The following MGA variants were observed in gnomAD, a reference collection of about 807,000 sequenced individuals.
MGA encodes the protein MAX gene-associated protein.
Under a neutral mutation model 261.1 loss-of-function variants are expected in MGA, and 40 were observed. That is an observed-to-expected ratio of 0.15 (90% CI 0.12 to 0.20). The LOEUF is 0.20. Among genes scored for constraint, MGA ranks in the 10% least tolerant of loss-of-function variants. The probability of loss-of-function intolerance (pLI) is 1.00; values close to 1 mark genes in which losing one functional copy is unlikely to be tolerated. For synonymous variants in MGA, 1,302 were observed against 1,290.6 expected, an observed-to-expected ratio of 1.01 and a Z score of -0.19; for missense variants, 3,397 against 3,630.5, an observed-to-expected ratio of 0.94 and a Z score of 1.65.
intron 14 of MGA, 41 bp downstream of exon 14, chr15:41,740,244 T>G: frequency 6.3e-7 from 1 of 1,597,138 alleles, no homozygotes. Context: ...GGCCTATGAC[T>G]TGGTGGTGGG....
chr15:41,698,164 C>G (rs1595766260), intron 3 of MGA, among the ~76,000 whole-genome samples: 1 of 135,414 alleles, frequency 7.4e-6, no homozygotes, highest in African/African-American at 2.6e-5. Context: ...GCCACTGCCC[C>G]TGGCCTCTTT....
Position 41,696,247 on chromosome 15 carries a change from G to T in MGA, c.1237G>T (p.Val413Leu), listed in dbSNP as rs777496210. Residue 413 changes from valine (V) to leucine (L), a missense_variant, in exon 3 of 24, where the codon GTA (valine) becomes TTA (leucine). Physicochemically the swap from Val to Leu is conservative, Grantham distance 32 (BLOSUM62 1). This residue lies in a region of MGA where 563 missense variants were observed against 563.6 expected (regional missense o/e 1.00). Transcript: ENST00000219905. ...GGAAGAGACAGATGAAGAGACGGAT[G>T]TATACTCAAACAGTGATGATGATCC... 6.2e-7 allele frequency: 1 copy of T among 1,613,948 alleles called. No individual in the cohort carries two copies. Among genetic ancestry groups the T allele is most frequent in the South Asian group, 1.1e-5 (1 of 91,074 alleles).
At chr15:41,751,505 C>T (rs1244376295) in intron 17 of MGA, 6 of 152,114 alleles carry the variant, frequency 3.9e-5, no homozygotes, top group Non-Finnish European at 2.9e-5. Flanking sequence ...GGGTGGATCA[C>T]CTGACGTCAG....
At chr15:41,660,120 C>T (rs1008794078), upstream of MGA, among the ~76,000 whole-genome samples, 1 of 152,238 alleles carries the variant, frequency 6.6e-6, no homozygotes, top group African/African-American at 2.4e-5. Flanking sequence ...ATTGGTTTCA[C>T]AGTTTCCACG....
chr15:41,700,933 C>G (rs539516596), intron 5 of MGA, among the ~76,000 whole-genome samples: 2 of 152,092 alleles, frequency 1.3e-5, no homozygotes, highest in Non-Finnish European at 2.9e-5. Flanking sequence ...CTGGTCATTC[C>G]GTTTCTAAAT....
intron 5 of MGA, among the ~76,000 whole-genome samples, chr15:41,705,339 CAT>C (rs910158152): frequency 2.6e-5 from 4 of 151,792 alleles, no homozygotes; most frequent in African/African-American, 7.3e-5. Context: ...GTTGGGAAAA[CAT>C]AACACTAAAG....
At chr15:41,758,210 A>G (rs1001164322) in intron 19 of MGA, among the ~76,000 whole-genome samples, 3 of 152,204 alleles carry the variant, frequency 2.0e-5, no homozygotes, top group Admixed American at 1.3e-4. Context: ...CAAAATGGCT[A>G]GCAGTTAGGG....
intron 20 of MGA, 35 bp from the exon 21 acceptor site, chr15:41,761,704 A>C: frequency 1.5e-6 from 2 of 1,360,646 alleles, no homozygotes; most frequent in Non-Finnish European, 2.0e-6. Context: ...GAAAGAGTGG[A>C]TCAATTTTCA....
intron 2 of MGA, among the ~76,000 whole-genome samples, chr15:41,692,619 A>C (rs887493507): frequency 6.6e-6 from 1 of 152,178 alleles, no homozygotes; most frequent in Non-Finnish European, 1.5e-5. Context: ...TGTAAGAAAA[A>C]TAATTTAGTG....
In MGA at chr15:41,696,201, A is replaced by G. The variant is rs768070374; in HGVS notation, c.1191A>G (p.Pro397=). 6.2e-7 allele frequency: 1 copy of G among 1,613,982 alleles called. No individual in the cohort carries two copies. Among genetic ancestry groups the G allele is most frequent in the South Asian group, 1.1e-5 (1 of 91,084 alleles). Residue 397 remains proline, a synonymous_variant, in exon 3 of 24, where the codon CCA becomes CCG. Transcript: ENST00000219905. ...ATGACTACGAACTTGGTGAGTGCCC[A>G]GAAGGGGTCACTGTGAAACAGGAAG...
intron 2 of MGA, among the ~76,000 whole-genome samples, chr15:41,673,648 T>C (rs1484761401): frequency 1.3e-5 from 2 of 150,546 alleles, no homozygotes; most frequent in East Asian, 3.9e-4. Context: ...GTTCAAGTGA[T>C]TCTCCTGCCT....
chr15:41,666,798 A>G lies in MGA; in HGVS notation c.-67-2030A>G, dbSNP rs543995193. Among the ~76,000 whole-genome samples the G allele has an allele frequency of 4.5e-4, 69 of 152,310 alleles. No individual in the cohort carries two copies. The South Asian group carries it at 0.011, about 24-fold the overall frequency. On this transcript the variant is annotated intron_variant, in intron 1 of 23. Transcript: ENST00000219905. ...TCTTCCTGTCTAGTCTTTTGCTGTT[A>G]TAAGTGGGAATGCAGGGGATAATCT... is the stretch of plus-strand genomic sequence containing the variant.
chr15:41,660,787 C>T (rs1193628725), intron 1 of MGA, among the ~76,000 whole-genome samples: 1 of 152,184 alleles, frequency 6.6e-6, no homozygotes, highest in Non-Finnish European at 1.5e-5. Flanking sequence ...AACATCGACG[C>T]CAGAGAGAGC....
intron 1 of MGA, among the ~76,000 whole-genome samples, chr15:41,651,650 TCTCCC>T (rs2057050716): frequency 8.8e-6 from 1 of 114,172 alleles, no homozygotes; most frequent in African/African-American, 3.6e-5. Context: ...TCCCCTCTCC[TCTCCC>T]TTCCCCCTTC....
chr15:41,734,822 A>AT (rs2061684761), intron 12 of MGA, among the ~76,000 whole-genome samples: 1 of 151,948 alleles, frequency 6.6e-6, no homozygotes, highest in South Asian at 2.1e-4. Context: ...TTGATAAAGC[A>AT]TGTTGTTGCA....
At chr15:41,653,739 A>C (rs928265869) in intron 1 of MGA, among the ~76,000 whole-genome samples, 1 of 151,312 alleles carries the variant, frequency 6.6e-6, no homozygotes, top group Admixed American at 6.6e-5. Flanking sequence ...GAAAAAAAAA[A>C]CCCTTTTGGT....
chr15:41,672,978 C>T lies in MGA; in HGVS notation c.1064+3020C>T, dbSNP rs375206727. Among the ~76,000 whole-genome samples, 4 of 152,218 alleles carry T rather than the reference C, an allele frequency of 2.6e-5. No homozygotes were observed. In the East Asian group the frequency reaches 5.8e-4, roughly 22 times the overall value. On this transcript the variant is annotated intron_variant, in intron 2 of 23. Coordinates refer to ENST00000219905, the MANE Select transcript of MGA (RefSeq NM_001164273.2). ...TAATGTTATTGGTAAACACACTGAT[C>T]TTTATTCAGGCTTTATTTGCTACAT... is the stretch of plus-strand genomic sequence containing the variant.
intron 15 of MGA, among the ~76,000 whole-genome samples, chr15:41,745,712 C>T (rs1299114947): frequency 1.3e-5 from 2 of 152,168 alleles, no homozygotes; most frequent in Non-Finnish European, 2.9e-5. Flanking sequence ...TCAAGTGATC[C>T]TCCCATTTCA....
chr15:41,651,654 C>CCCT (rs2057051404), intron 1 of MGA, among the ~76,000 whole-genome samples: 1 of 105,770 alleles, frequency 9.5e-6, no homozygotes, highest in African/African-American at 3.4e-5. Flanking sequence ...CTCTCCTCTC[C>CCCT]CTTCCCCCTT....
Sources: gnomAD v4.1 joint callset for allele counts (sites outside exome capture counted in the v4.1 genomes callset) on GRCh38, gnomAD v4.1.1 for gene constraint, gnomAD v4.1.1 regional missense constraint, MANE v1.5 for transcripts, NCBI Gene and HGNC (gene_info 2026-07-23, HGNC 2026-07-21) for gene names.